Variants in USP4 observed in about 807,000 individuals in gnomAD.
The protein encoded by USP4 is ubiquitin carboxyl-terminal hydrolase 4.
Under a neutral mutation model 118.2 loss-of-function variants are expected in USP4, and 72 were observed. That is an observed-to-expected ratio of 0.61 (90% CI 0.50 to 0.74). The LOEUF (loss-of-function observed/expected upper bound fraction) is 0.74. Ranked by LOEUF, USP4 falls within the 30% of genes least tolerant of loss-of-function variation. The probability of loss-of-function intolerance (pLI) is 0.00; values close to 1 mark genes in which losing one functional copy is unlikely to be tolerated. For missense variants in USP4, 1,037 were observed against 1,185.7 expected (o/e 0.87, Z 1.84); for synonymous variants, 415 against 440.4 (o/e 0.94, Z 0.72).
Position 49,298,620 on chromosome 3 carries a change from GCACAGT to G in USP4, c.1522_1527del (p.Thr508_Val509del), listed in dbSNP as rs2047233247. On this transcript the variant is annotated inframe_deletion, in exon 12 of 22. Coordinates refer to ENST00000265560, the MANE Select transcript of USP4 (RefSeq NM_003363.4). Reference sequence around the variant, plus strand: ...AGGTCGGACACAGCCCCCATCAGCGGCACAGTCACACGGTACTGCAAGACAGAGATG... The same window carrying G: ...AGGTCGGACACAGCCCCCATCAGCGGCACACGGTACTGCAAGACAGAGATG... The G allele has an allele frequency of 1.9e-6, 3 of 1,613,954 alleles. No individual in the cohort carries two copies. In the African/African-American group the frequency reaches 4.0e-5, roughly 22 times the overall value.
At chr3:49,330,702 T>C (rs965150986) in intron 2 of USP4, among the ~76,000 whole-genome samples, 1 of 151,798 alleles carries the variant, frequency 6.6e-6, no homozygotes, top group Admixed American at 6.6e-5. Context: ...GCTAAAAATA[T>C]TGGGAGGCTG....
chr3:49,301,766 A>G (rs2047265650), intron 10 of USP4, among the ~76,000 whole-genome samples: 1 of 152,032 alleles, frequency 6.6e-6, no homozygotes, highest in Non-Finnish European at 1.5e-5. Flanking sequence ...TTTTTCTAAG[A>G]AGATCTAAAT....
At chr3:49,279,594 C>T (rs1283926358) in intron 20 of USP4, among the ~76,000 whole-genome samples, 1 of 152,168 alleles carries the variant, frequency 6.6e-6, no homozygotes, top group African/African-American at 2.4e-5. Flanking sequence ...TTTATTACAG[C>T]AATCCCAGCC....
intron 19 of USP4, 44 bp from the exon 20 acceptor site, chr3:49,280,891 A>G: frequency 6.4e-7 from 1 of 1,568,396 alleles, no homozygotes; most frequent in African/African-American, 1.4e-5. Flanking sequence ...TGTTAAACCC[A>G]AACAAAGTAG....
At chr3:49,324,657 T>C (rs1559478730) in intron 6 of USP4, 45 bp downstream of exon 6, 2 of 1,569,664 alleles carry the variant, frequency 1.3e-6, no homozygotes, top group Non-Finnish European at 1.8e-6. Flanking sequence ...AGACTGTCTC[T>C]TTTGCACATG....
intron 1 of USP4, among the ~76,000 whole-genome samples, chr3:49,336,558 CTT>C (rs913849956): frequency 2.0e-5 from 3 of 151,510 alleles, no homozygotes; most frequent in Admixed American, 1.3e-4. Context: ...GAGTTTCGCT[CTT>C]GTTACCCAGG....
intron 6 of USP4, among the ~76,000 whole-genome samples, chr3:49,321,218 A>G (rs971712047): frequency 3.3e-5 from 5 of 152,196 alleles, no homozygotes; most frequent in African/African-American, 1.2e-4. Context: ...CTGACGTAGT[A>G]TGTTTCAAAG....
At chr3:49,306,491 C>T (rs1459631784) in intron 8 of USP4, among the ~76,000 whole-genome samples, 1 of 152,046 alleles carries the variant, frequency 6.6e-6, no homozygotes, top group Non-Finnish European at 1.5e-5. Context: ...GCGTGAGCCA[C>T]CGCGCCCAGC....
chr3:49,319,667 G>A (rs150376780), intron 6 of USP4, among the ~76,000 whole-genome samples: 1 of 151,918 alleles, frequency 6.6e-6, no homozygotes, highest in Non-Finnish European at 1.5e-5. Context: ...AGGCTGGAGT[G>A]CAATGGTGCC....
intron 3 of USP4, among the ~76,000 whole-genome samples, chr3:49,326,750 G>A (rs2107800141): frequency 6.9e-6 from 1 of 144,076 alleles, no homozygotes; most frequent in South Asian, 2.2e-4. Flanking sequence ...TTGCCAGGCT[G>A]CAGTACAGTG....
At chr3:49,325,116 A>C in intron 4 of USP4, 77 bp from the exon 5 acceptor site, 21 of 1,543,648 alleles carry the variant, frequency 1.4e-5, no homozygotes, top group East Asian at 2.2e-5. Flanking sequence ...ACTAATGCTC[A>C]TCCTCTTTCT....
Position 49,278,116 on chromosome 3 carries a change from A to G in USP4, c.*177T>C, listed in dbSNP as rs1037577151. 33 of 706,858 alleles carry G rather than the reference A, an allele frequency of 4.7e-5. No homozygotes were observed. The highest frequency in any genetic ancestry group is 3.4e-5 in the Admixed American group (1 of 29,738). 43.8% of individuals were successfully genotyped at this position (706,858 alleles called of 1,614,324 possible). On this transcript the variant is annotated 3_prime_UTR_variant, in exon 22 of 22. Coordinates refer to ENST00000265560, the MANE Select transcript of USP4 (RefSeq NM_003363.4). ...AATAAAAATAATTCAGCCTCTTGACATAGCTTCTTCTAGGTAAACGGTCTT... is the reference window on the plus strand; with the variant it reads ...AATAAAAATAATTCAGCCTCTTGACGTAGCTTCTTCTAGGTAAACGGTCTT...
chr3:49,277,209 A>ATCCAAC lies in USP4; in HGVS notation c.*1078_*1083dup. ...ACCCGCAGCGCAGTGACGCCGACCC[A>ATCCAAC]TCCAACGGTCATCGCATGCGCGTGC... On this transcript the variant is annotated 3_prime_UTR_variant, in exon 22 of 22. Transcript: ENST00000265560. 2 of 1,337,226 alleles carry ATCCAAC rather than the reference A, an allele frequency of 1.5e-6. No homozygotes were observed. Among genetic ancestry groups the ATCCAAC allele is most frequent in the Non-Finnish European group, 2.0e-6 (2 of 1,020,122 alleles). 82.8% of individuals were successfully genotyped at this position (1,337,226 alleles called of 1,614,324 possible). A position where few individuals can be genotyped will look rare whatever the true frequency, so the allele number is the denominator to read the frequency against.
intron 2 of USP4, among the ~76,000 whole-genome samples, chr3:49,330,362 G>A (rs1180497009): frequency 1.3e-5 from 2 of 150,938 alleles, no homozygotes; most frequent in African/African-American, 4.9e-5. Flanking sequence ...CAGTCTCGCT[G>A]TGTCCCCCAG....
At chr3:49,309,086 A>G (rs2047352914) in intron 8 of USP4, among the ~76,000 whole-genome samples, 1 of 151,704 alleles carries the variant, frequency 6.6e-6, no homozygotes, top group African/African-American at 2.4e-5. Flanking sequence ...CATAGGTAGA[A>G]AACAACAGAA....
chr3:49,279,028 A>G, intron 20 of USP4, 126 bp from the exon 21 acceptor site: 2 of 527,414 alleles, frequency 3.8e-6, no homozygotes, highest in South Asian at 3.3e-5. Context: ...AAAAGTTTAC[A>G]GTGTGTGTCT....
At chr3:49,306,959 T>G (rs1380817779) in intron 8 of USP4, among the ~76,000 whole-genome samples, 1 of 151,690 alleles carries the variant, frequency 6.6e-6, no homozygotes, top group East Asian at 2.0e-4. Context: ...TAATTTTGTA[T>G]TTTTAGTAGA....
intron 6 of USP4, among the ~76,000 whole-genome samples, chr3:49,314,474 A>AGACTT (rs2047415594): frequency 6.6e-6 from 1 of 152,200 alleles, no homozygotes; most frequent in South Asian, 2.1e-4. Flanking sequence ...ACCACATGGG[A>AGACTT]GACTTAAGCA....
chr3:49,319,099 G>A (rs952805982), intron 6 of USP4, among the ~76,000 whole-genome samples: 1 of 149,062 alleles, frequency 6.7e-6, no homozygotes, highest in Non-Finnish European at 1.5e-5. Flanking sequence ...GAGGGATTGC[G>A]CCACTGCACT....
Sources: gnomAD v4.1 joint callset for allele counts (sites outside exome capture counted in the v4.1 genomes callset) on GRCh38, gnomAD v4.1.1 for gene constraint, MANE v1.5 for transcripts, NCBI Gene and HGNC (gene_info 2026-07-23, HGNC 2026-07-21) for gene names.